The following SCFD2 variants were observed in gnomAD, a reference collection of about 807,000 sequenced individuals.
The protein encoded by SCFD2 is sec1 family domain-containing protein 2.
Under a neutral mutation model 58.9 loss-of-function variants are expected in SCFD2, and 54 were observed. The observed-to-expected ratio is 0.92, with a 90% CI of 0.74 to 1.15. The LOEUF (loss-of-function observed/expected upper bound fraction) is 1.15, where lower values mean the gene tolerates loss of function less well. SCFD2 is among the 50% of genes most tolerant of loss of function. The probability of loss-of-function intolerance (pLI) is 0.00; values close to 1 mark genes in which losing one functional copy is unlikely to be tolerated. For synonymous variants in SCFD2, 321 were observed against 335.9 expected, an observed-to-expected ratio of 0.96 and a Z score of 0.49; for missense variants, 805 against 836.6, an observed-to-expected ratio of 0.96 and a Z score of 0.47.
In SCFD2 at chr4:53,103,790, A is replaced by AG. The variant is rs1221609929; in HGVS notation, c.1561+41542dup. Among the ~76,000 whole-genome samples the AG allele has an allele frequency of 4.9e-5, 7 of 143,770 alleles. No homozygotes were observed. The East Asian group carries it at 1.4e-3, about 29-fold the overall frequency. The allele number at this position is 143,770 out of a possible 152,430, so 94.3% of individuals were successfully genotyped here. ...AAGTAAAAAAAAAAAAAAAAAAAAA[A>AG]GGCATGGGGTAGGGGATGGGAGAAA... is the stretch of plus-strand genomic sequence containing the variant. On this transcript the variant is annotated intron_variant, in intron 5 of 8. Transcript: ENST00000401642.
chr4:53,050,617 G>A (rs889266525), intron 5 of SCFD2, among the ~76,000 whole-genome samples: 4 of 152,152 alleles, frequency 2.6e-5, no homozygotes, highest in East Asian at 1.9e-4. Flanking sequence ...CCTGATTGCC[G>A]ACACCATCTC....
chr4:53,354,615 C>G (rs371998202), intron 1 of SCFD2, among the ~76,000 whole-genome samples: 5 of 152,318 alleles, frequency 3.3e-5, no homozygotes, highest in South Asian at 4.1e-4. Context: ...GGGCTGCTAA[C>G]ACTTTGTCAC....
chr4:53,209,263 C>T (rs1728529639), intron 4 of SCFD2, among the ~76,000 whole-genome samples: 1 of 152,056 alleles, frequency 6.6e-6, no homozygotes, highest in Admixed American at 6.5e-5. Context: ...CCTACCATGC[C>T]CTTGATAAAG....
chr4:53,282,637 G>C (rs923935448), intron 3 of SCFD2, among the ~76,000 whole-genome samples: 3 of 151,836 alleles, frequency 2.0e-5, no homozygotes, highest in African/African-American at 7.3e-5. Flanking sequence ...AAATAAAAAA[G>C]ATTTTATGTA....
At chr4:53,100,680 A>G (rs1437859918) in intron 5 of SCFD2, among the ~76,000 whole-genome samples, 4 of 152,210 alleles carry the variant, frequency 2.6e-5, no homozygotes, top group South Asian at 2.1e-4. Context: ...AAGGCTCCCT[A>G]TGGAATCAGC....
intron 4 of SCFD2, among the ~76,000 whole-genome samples, chr4:53,183,056 C>T (rs1328743074): frequency 6.6e-6 from 1 of 152,030 alleles, no homozygotes; most frequent in Admixed American, 6.6e-5. Flanking sequence ...TGTTGGTGAG[C>T]CTGTAAACTA....
chr4:53,089,552 T>C (rs1724412608), intron 5 of SCFD2, among the ~76,000 whole-genome samples: 1 of 152,194 alleles, frequency 6.6e-6, no homozygotes, highest in African/African-American at 2.4e-5. Context: ...GGTACAAAAG[T>C]CAAATTTCTT....
intron 5 of SCFD2, among the ~76,000 whole-genome samples, chr4:52,991,814 C>T (rs1201257723): frequency 1.3e-5 from 2 of 152,144 alleles, no homozygotes; most frequent in South Asian, 2.1e-4. Context: ...TCTGCCATTA[C>T]ATTTTGAGTT....
intron 3 of SCFD2, among the ~76,000 whole-genome samples, chr4:53,311,099 T>C (rs1560441489): frequency 1.3e-5 from 2 of 152,208 alleles, no homozygotes. Context: ...TCCTTACTGT[T>C]CATAGTTATG....
At chr4:53,129,403 G>C (rs1725723703) in intron 5 of SCFD2, among the ~76,000 whole-genome samples, 1 of 152,132 alleles carries the variant, frequency 6.6e-6, no homozygotes, top group South Asian at 2.1e-4. Context: ...GCTTCTGTGG[G>C]AATTATATTA....
chr4:52,909,408 G>T (rs1481604445), intron 6 of SCFD2, among the ~76,000 whole-genome samples: 1 of 152,114 alleles, frequency 6.6e-6, no homozygotes, highest in African/African-American at 2.4e-5. Flanking sequence ...AATAGTGTGT[G>T]AATGAAAAAA....
In SCFD2 at chr4:53,088,024, A is replaced by G. The variant is rs560160251; in HGVS notation, c.1561+57309T>C. 3.3e-5 allele frequency among the ~76,000 whole-genome samples: 5 copies of G among 152,332 alleles called. No homozygotes were observed. In the East Asian group the frequency reaches 9.6e-4, roughly 29 times the overall value. On this transcript the variant is annotated intron_variant, in intron 5 of 8. Transcript: ENST00000401642. ...GCTCCTTCCGACTGCTTATAGTAAA[A>G]TAACAGAAGAGAGAAATGACTTAAA...
In SCFD2 at chr4:53,300,624, A is replaced by C. The variant is rs147356102; in HGVS notation, c.1135+13012T>G. ...CTAATAGACATCTACAGAACTCTCC[A>C]CTCCAAATCAACAGAATATACATTC... On this transcript the variant is annotated intron_variant, in intron 3 of 8. Transcript: ENST00000401642. Among the ~76,000 whole-genome samples the C allele has an allele frequency of 9.1e-3, 1,392 of 152,256 alleles. 14 individuals carry two copies. The highest frequency in any genetic ancestry group is 0.031 in the Middle Eastern group (9 of 294).
intron 5 of SCFD2, among the ~76,000 whole-genome samples, chr4:53,020,567 T>C (rs562508199): frequency 6.6e-6 from 1 of 152,178 alleles, no homozygotes; most frequent in Non-Finnish European, 1.5e-5. Context: ...TCGACTCCCA[T>C]GACCCTATGC....
intron 4 of SCFD2, among the ~76,000 whole-genome samples, chr4:53,176,650 C>T (rs182123026): frequency 1.2e-4 from 18 of 152,312 alleles, no homozygotes; most frequent in Non-Finnish European, 1.6e-4. Flanking sequence ...TTGGGTGGGT[C>T]AGACAGAAAC....
chr4:53,159,666 C>T (rs1378230613), intron 4 of SCFD2, among the ~76,000 whole-genome samples: 1 of 152,146 alleles, frequency 6.6e-6, no homozygotes, highest in Non-Finnish European at 1.5e-5. Flanking sequence ...TTAAAACCTC[C>T]AGCAGAGGGA....
chr4:52,889,085 C>T (rs79105428), intron 7 of SCFD2, among the ~76,000 whole-genome samples: 12 of 152,118 alleles, frequency 7.9e-5, no homozygotes, highest in African/African-American at 1.9e-4. Flanking sequence ...TCCCAGATGA[C>T]GTTCTATTCA....
intron 5 of SCFD2, among the ~76,000 whole-genome samples, chr4:53,028,804 T>C (rs11735689): frequency 0.017 from 2,595 of 152,310 alleles, 30 homozygotes; most frequent in Non-Finnish European, 0.026. Context: ...TAAGTTTTTT[T>C]CTCAATTCTA....
chr4:52,935,391 C>T (rs1296574571), intron 5 of SCFD2, among the ~76,000 whole-genome samples: 1 of 152,132 alleles, frequency 6.6e-6, no homozygotes, highest in Non-Finnish European at 1.5e-5. Context: ...ACCTTGAAAG[C>T]TAATCTACCA....
Sources: allele counts gnomAD v4.1 joint callset (sites outside exome capture counted in the v4.1 genomes callset), GRCh38; gene constraint gnomAD v4.1.1; transcripts MANE v1.5; gene names NCBI Gene and HGNC (gene_info 2026-07-23, HGNC 2026-07-21).